IGDCC4: variants seen among roughly 807,000 people sequenced by gnomAD.
IGDCC4 encodes the protein likely ortholog of mouse neighbor of Punc E11.
Under a neutral mutation model 116.6 loss-of-function variants are expected in IGDCC4, and 72 were observed. The ratio of observed to expected loss-of-function variants is 0.62; its 90% confidence interval spans 0.51 to 0.75. The LOEUF (loss-of-function observed/expected upper bound fraction) is 0.75, where lower values mean the gene tolerates loss of function less well. Among genes scored for constraint, IGDCC4 ranks in the 30% least tolerant of loss-of-function variants. The probability of loss-of-function intolerance (pLI) is 0.00; values close to 1 mark genes in which losing one functional copy is unlikely to be tolerated. For synonymous variants in IGDCC4, 709 were observed against 719.9 expected (o/e 0.98, Z 0.24); for missense variants, 1,501 against 1,662.4 (o/e 0.90, Z 1.69).
intron 9 of IGDCC4, 72 bp downstream of exon 9, chr15:65,394,339 C>A: frequency 1.2e-6 from 2 of 1,600,176 alleles, no homozygotes; most frequent in Non-Finnish European, 8.5e-7. Context: ...CTGCTCAGGT[C>A]TCCAGCAGCC....
Position 65,386,669 on chromosome 15 carries a change from A to T in IGDCC4, c.2846-13T>A. ...ATGTCCAGCGAGTCTGGTGGGGGAG[A>T]GAGAGGCACAGAGCAGGTCAGGACA... On this transcript the variant is annotated splice_polypyrimidine_tract_variant and intron_variant, in intron 16 of 19. Transcript: ENST00000352385. 6.2e-7 allele frequency: 1 copy of T among 1,600,028 alleles called. No individual in the cohort carries two copies. The highest frequency in any genetic ancestry group is 8.5e-7 in the Non-Finnish European group (1 of 1,172,832).
At chr15:65,397,041 C>T (rs1257865628) in intron 5 of IGDCC4, 52 bp from the exon 6 acceptor site, 10 of 1,545,794 alleles carry the variant, frequency 6.5e-6, no homozygotes, top group Non-Finnish European at 8.8e-6. Context: ...ACTGCCCTTC[C>T]CTTCAGTCTC....
intron 5 of IGDCC4, among the ~76,000 whole-genome samples, chr15:65,400,240 C>G (rs1325357397): frequency 3.3e-5 from 5 of 152,252 alleles, no homozygotes; most frequent in Non-Finnish European, 1.5e-5. Context: ...TGTCAGACCT[C>G]TCTTCATAGA....
In IGDCC4 at chr15:65,385,919, G is replaced by C; in HGVS notation, c.3092C>G (p.Pro1031Arg). The stretch of plus-strand genomic sequence containing the variant: ...CCTGTCCTCCACGTCTGAGGGTGGC[G>C]GGGACCAGTCCTGGGGATGGGGGTG... ...LVHPHPQDWSPPPSDVEDRAE... is the reference protein window; with the variant it reads ...LVHPHPQDWSRPPSDVEDRAE... Residue 1031 changes from proline to arginine, a missense_variant, in exon 18 of 20, where the codon CCG (proline) becomes CGG (arginine). Physicochemically the swap from Pro to Arg is moderately radical, Grantham distance 103. Transcript: ENST00000352385. 2.5e-6 allele frequency: 4 copies of C among 1,612,528 alleles called. No individual in the cohort carries two copies. Among genetic ancestry groups the C allele is most frequent in the Non-Finnish European group, 3.4e-6 (4 of 1,179,952 alleles).
At position 65,393,665 on chromosome 15, in the gene IGDCC4, C is replaced by A. The variant is rs2062890044; in HGVS notation, c.1715-134G>T. On this transcript the variant is annotated intron_variant, in intron 9 of 19. Coordinates refer to ENST00000352385, the MANE Select transcript of IGDCC4 (RefSeq NM_020962.3). The surrounding 1 kb of genome is among the most constrained non-coding windows in gnomAD (Gnocchi z 4.6). Reference sequence around the variant, plus strand: ...GAGCCTGAGGCGTTCTCAGCACTGACCCCTCAGTGCCTGGGCAGATTCTAT... The same window carrying A: ...GAGCCTGAGGCGTTCTCAGCACTGAACCCTCAGTGCCTGGGCAGATTCTAT... 1 of 830,126 alleles carries A rather than the reference C, an allele frequency of 1.2e-6. No homozygotes were observed. Among genetic ancestry groups the A allele is most frequent in the Non-Finnish European group, 1.8e-6 (1 of 551,102 alleles). The allele number at this position is 830,126 out of a possible 1,614,324, so 51.4% of individuals were successfully genotyped here.
In IGDCC4 at chr15:65,411,346, G is replaced by A. The variant is rs145655802; in HGVS notation, c.95C>T (p.Thr32Met). 49 of 1,582,558 alleles carry A rather than the reference G, an allele frequency of 3.1e-5. No homozygotes were observed. Among genetic ancestry groups the A allele is most frequent in the Admixed American group, 8.6e-5 (5 of 58,390 alleles). The change falls in exon 2 of 20, where the codon ACG becomes ATG. Residue 32 changes from threonine (T) to methionine (M), a missense_variant. Coordinates refer to ENST00000352385, the MANE Select transcript of IGDCC4 (RefSeq NM_020962.3). Reference sequence around the variant, plus strand: ...CACTCCACAGCTCAGCTCCACAGTCGTCTCCTGGGGCAACAGCAGCTCCCC... The same window carrying A: ...CACTCCACAGCTCAGCTCCACAGTCATCTCCTGGGGCAACAGCAGCTCCCC... ...ARGELLLPQE[T>M]TVELSCGVGP...
At chr15:65,398,761 G>C (rs1395934532) in intron 5 of IGDCC4, among the ~76,000 whole-genome samples, 4 of 151,694 alleles carry the variant, frequency 2.6e-5, no homozygotes, top group African/African-American at 4.8e-5. Context: ...CGTGGTGGCG[G>C]GTGCCTGTAG....
chr15:65,386,761 C>T, intron 16 of IGDCC4, 105 bp from the exon 17 acceptor site: 1 of 799,162 alleles, frequency 1.3e-6, no homozygotes, highest in Non-Finnish European at 2.0e-6. Context: ...GCTGGACCCT[C>T]ACCCTTCAGA....
chr15:65,409,203 G>A (rs2063066774), intron 3 of IGDCC4, among the ~76,000 whole-genome samples: 1 of 151,892 alleles, frequency 6.6e-6, no homozygotes, highest in African/African-American at 2.4e-5. Flanking sequence ...TTTCTACCCC[G>A]AAGTTTCTCC....
rs572913770 is a variant in IGDCC4, at chr15:65,395,313, A to T, written c.1412-55T>A. The T allele has an allele frequency of 9.6e-6, 15 of 1,555,224 alleles. No individual in the cohort carries two copies. In the South Asian group the frequency reaches 1.8e-4, roughly 18 times the overall value. Reference sequence around the variant, plus strand: ...ATAGTGCCACCCCCCCGTGCTGGCTAGCTGGAGTCTGTATAGGAATCCTTC... The same window carrying T: ...ATAGTGCCACCCCCCCGTGCTGGCTTGCTGGAGTCTGTATAGGAATCCTTC... On this transcript the variant is annotated intron_variant, in intron 7 of 19. Coordinates refer to ENST00000352385, the MANE Select transcript of IGDCC4 (RefSeq NM_020962.3).
In IGDCC4 at chr15:65,395,830, G is replaced by T. The variant is rs1307302341; in HGVS notation, c.1331C>A (p.Ala444Asp). The T allele has an allele frequency of 1.3e-6, 2 of 1,543,746 alleles. No individual in the cohort carries two copies. Among genetic ancestry groups the T allele is most frequent in the African/African-American group, 2.8e-5 (2 of 72,490 alleles). ...GGGCCGCTCCCAGGCCACCAACACAGCGGAGCTGCTCAGTGGCGTAGCAGT... is the reference window on the plus strand; with the variant it reads ...GGGCCGCTCCCAGGCCACCAACACATCGGAGCTGCTCAGTGGCGTAGCAGT... ...RVTATPLSSSAVLVAWERPEM... is the reference protein window; with the variant it reads ...RVTATPLSSSDVLVAWERPEM... Residue 444 changes from alanine to aspartate, a missense_variant, in exon 7 of 20, where the codon GCT (alanine) becomes GAT (aspartate). Around this residue, in one of 3 missense-constraint regions of IGDCC4, gnomAD observed 898 missense variants for 978.9 expected, o/e 0.92. Coordinates refer to ENST00000352385, the MANE Select transcript of IGDCC4 (RefSeq NM_020962.3).
At chr15:65,406,786 A>G (rs2140226688) in intron 3 of IGDCC4, among the ~76,000 whole-genome samples, 1 of 152,174 alleles carries the variant, frequency 6.6e-6, no homozygotes, top group Non-Finnish European at 1.5e-5. Context: ...ACTTGGGGGC[A>G]AACACTCCCA....
intron 7 of IGDCC4, among the ~76,000 whole-genome samples, chr15:65,395,467 A>G (rs2062914140): frequency 6.6e-6 from 1 of 151,176 alleles, no homozygotes; most frequent in Non-Finnish European, 1.5e-5. Flanking sequence ...TCTGGAAATG[A>G]CCCCCCTCTC....
intron 13 of IGDCC4, among the ~76,000 whole-genome samples, chr15:65,389,672 A>G (rs2091494093): frequency 6.6e-6 from 1 of 152,132 alleles, no homozygotes; most frequent in Non-Finnish European, 1.5e-5. Context: ...TTCTCCACCT[A>G]TGGAATCATC....
At chr15:65,386,986 C>T (rs1205903016) in intron 16 of IGDCC4, among the ~76,000 whole-genome samples, 1 of 152,144 alleles carries the variant, frequency 6.6e-6, no homozygotes, top group Non-Finnish European at 1.5e-5. Context: ...TTGGATGGAC[C>T]CCACGCTTGA....
chr15:65,421,431 A>G (rs901313986), intron 1 of IGDCC4, among the ~76,000 whole-genome samples: 1 of 152,166 alleles, frequency 6.6e-6, no homozygotes, highest in African/African-American at 2.4e-5. Flanking sequence ...CCTCTGGCCC[A>G]GCAGCCGAGA....
In IGDCC4 at chr15:65,419,934, G is replaced by GT. The variant is rs1456423928; in HGVS notation, c.70+2858dup. Among the ~76,000 whole-genome samples, 5 of 152,210 alleles carry GT rather than the reference G, an allele frequency of 3.3e-5. No homozygotes were observed. In the East Asian group the frequency reaches 5.8e-4, roughly 18 times the overall value. On this transcript the variant is annotated intron_variant, in intron 1 of 19. Coordinates refer to ENST00000352385, the MANE Select transcript of IGDCC4 (RefSeq NM_020962.3). ...ATACCAGCCCTTCATTCTGCCTCAT[G>GT]TTTTTTTGTTGTTGTTGTGTTTGTT...
chr15:65,385,598 C>T, intron 18 of IGDCC4: 1 of 616,550 alleles, frequency 1.6e-6, no homozygotes, highest in South Asian at 1.9e-5. Flanking sequence ...CCTGGGTCAC[C>T]TGCTGGGAGG....
chr15:65,384,099 C>CT lies in IGDCC4; in HGVS notation c.3662dup (p.Thr1222AspfsTer5). ...TGAGCTGGCAGCTATCTCCAGGGGTCTCCTCTAGCACCTCGCCTGGCTGGA... is the reference window on the plus strand; with the variant it reads ...TGAGCTGGCAGCTATCTCCAGGGGTCTTCCTCTAGCACCTCGCCTGGCTGGA... On this transcript the variant is annotated frameshift_variant, in exon 20 of 20. Coordinates refer to ENST00000352385, the MANE Select transcript of IGDCC4 (RefSeq NM_020962.3). LOFTEE classifies it high-confidence loss of function. This position sits in a 1 kb window ranked among gnomAD's most constrained non-coding sequence, Gnocchi z 4.9. 6.2e-7 allele frequency: 1 copy of CT among 1,613,948 alleles called. No homozygotes were observed. The highest frequency in any genetic ancestry group is 1.1e-5 in the South Asian group (1 of 91,046).
Sources: gnomAD v4.1 joint callset for allele counts (sites outside exome capture counted in the v4.1 genomes callset) on GRCh38, gnomAD v4.1.1 for gene constraint, gnomAD v4.1.1 regional missense constraint, Gnocchi (gnomAD v3.1) non-coding constraint, MANE v1.5 for transcripts, NCBI Gene and HGNC (gene_info 2026-07-23, HGNC 2026-07-21) for gene names.